The following TWIST2 variants were observed in gnomAD, a reference collection of about 807,000 sequenced individuals.
The protein encoded by TWIST2 is twist-related protein 2.
Under a neutral mutation model 11.6 loss-of-function variants are expected in TWIST2, and 1 was observed. The ratio of observed to expected loss-of-function variants is 0.09; its 90% CI spans 0.03 to 0.41. The LOEUF is 0.41. TWIST2 is among the 10% of genes least tolerant of loss of function. The probability of loss-of-function intolerance (pLI) is 0.98; values close to 1 mark genes in which losing one functional copy is unlikely to be tolerated. For missense variants in TWIST2, 168 were observed against 226.4 expected (o/e 0.74, Z 1.66); for synonymous variants, 87 against 96.6 (o/e 0.90, Z 0.58).
intron 1 of TWIST2, among the ~76,000 whole-genome samples, chr2:238,889,751 G>A (rs35461684): frequency 1.3e-5 from 2 of 152,112 alleles, no homozygotes; most frequent in African/African-American, 4.8e-5. Flanking sequence ...TGTAAATGAC[G>A]GCTCTGATGC....
At chr2:238,849,149 G>T (rs1158732524) in intron 1 of TWIST2, among the ~76,000 whole-genome samples, 5 of 152,180 alleles carry the variant, frequency 3.3e-5, no homozygotes, top group African/African-American at 9.6e-5. Flanking sequence ...AGCGCAGGCC[G>T]CCCGCGAAGC....
chr2:238,905,048 G>A (rs1029036581), intron 1 of TWIST2, among the ~76,000 whole-genome samples: 1 of 141,256 alleles, frequency 7.1e-6, no homozygotes, highest in Non-Finnish European at 1.6e-5. Flanking sequence ...GGGTGGCTAG[G>A]TGGGTGGCTG....
intron 1 of TWIST2, among the ~76,000 whole-genome samples, chr2:238,908,816 T>C (rs1265680553): frequency 1.3e-5 from 2 of 150,242 alleles, no homozygotes; most frequent in African/African-American, 2.5e-5. Flanking sequence ...TAGTGTGCGG[T>C]ATGTTTGTGT....
intron 1 of TWIST2, among the ~76,000 whole-genome samples, chr2:238,852,895 A>T (rs1692266211): frequency 6.6e-6 from 1 of 152,258 alleles, no homozygotes; most frequent in Non-Finnish European, 1.5e-5. Context: ...ATTCTACAAA[A>T]GTATTAAATC....
intron 1 of TWIST2, among the ~76,000 whole-genome samples, chr2:238,884,804 C>T (rs1242209462): frequency 6.6e-6 from 1 of 152,186 alleles, no homozygotes; most frequent in African/African-American, 2.4e-5. Flanking sequence ...GAAGCATGGC[C>T]GGAAAGTGCC....
intron 1 of TWIST2, among the ~76,000 whole-genome samples, chr2:238,850,635 C>A (rs1197790089): frequency 6.6e-6 from 1 of 151,946 alleles, no homozygotes; most frequent in African/African-American, 2.4e-5. Context: ...AGAGAATCAG[C>A]CATAGGTAAC....
chr2:238,878,605 CT>C (rs1289085545), intron 1 of TWIST2, among the ~76,000 whole-genome samples: 1 of 152,222 alleles, frequency 6.6e-6, no homozygotes, highest in African/African-American at 2.4e-5. Context: ...GTAGCAGCCC[CT>C]GTTGATCTTT....
At chr2:238,865,533 G>A (rs1364332328) in intron 1 of TWIST2, among the ~76,000 whole-genome samples, 2 of 152,198 alleles carry the variant, frequency 1.3e-5, no homozygotes, top group South Asian at 2.1e-4. Context: ...CCTGGGCACA[G>A]AAGCCTCTGG....
chr2:238,898,361 T>C (rs1693229893), intron 1 of TWIST2, among the ~76,000 whole-genome samples: 1 of 152,200 alleles, frequency 6.6e-6, no homozygotes, highest in South Asian at 2.1e-4. Flanking sequence ...ACTGGAGATT[T>C]TGTCAAAGCG....
chr2:238,851,318 A>T (rs957200855), intron 1 of TWIST2, among the ~76,000 whole-genome samples: 2 of 152,232 alleles, frequency 1.3e-5, no homozygotes, highest in Admixed American at 6.5e-5. Flanking sequence ...GCACAATTAG[A>T]CAATAAATCA....
intron 1 of TWIST2, among the ~76,000 whole-genome samples, chr2:238,877,644 T>C (rs1246097786): frequency 1.3e-5 from 2 of 152,232 alleles, no homozygotes; most frequent in East Asian, 3.8e-4. Context: ...AGGACTTTTA[T>C]GAAGAAAAAT....
chr2:238,878,405 C>T (rs1427560067), intron 1 of TWIST2, among the ~76,000 whole-genome samples: 1 of 152,144 alleles, frequency 6.6e-6, no homozygotes, highest in Non-Finnish European at 1.5e-5. Flanking sequence ...AGAGTATAAA[C>T]GCCAGAGTGT....
intron 1 of TWIST2, among the ~76,000 whole-genome samples, chr2:238,876,125 T>C (rs942399729): frequency 1.3e-5 from 2 of 152,140 alleles, no homozygotes; most frequent in Non-Finnish European, 2.9e-5. Context: ...CACTGCCCCG[T>C]TGGGTGGGTG....
At chr2:238,859,127 G>T (rs1361432384) in intron 1 of TWIST2, among the ~76,000 whole-genome samples, 2 of 150,946 alleles carry the variant, frequency 1.3e-5, no homozygotes, top group Non-Finnish European at 2.9e-5. Flanking sequence ...CAGGAGAATC[G>T]CTTGAACCTG....
intron 1 of TWIST2, among the ~76,000 whole-genome samples, chr2:238,896,611 C>T: frequency 6.6e-6 from 1 of 152,186 alleles, no homozygotes; most frequent in Non-Finnish European, 1.5e-5. Context: ...GCAGGCAGCA[C>T]CTGGTGCATT....
intron 1 of TWIST2, among the ~76,000 whole-genome samples, chr2:238,892,599 GCC>G (rs543589400): frequency 5.9e-4 from 90 of 152,048 alleles, no homozygotes; most frequent in Admixed American, 2.6e-3. Flanking sequence ...TCCTGCCTCA[GCC>G]CCCCGAGTAG....
intron 1 of TWIST2, among the ~76,000 whole-genome samples, chr2:238,862,551 C>A (rs1364604972): frequency 6.6e-6 from 1 of 152,084 alleles, no homozygotes; most frequent in African/African-American, 2.4e-5. Context: ...TAATTATAAA[C>A]CCCAGTATTG....
At chr2:238,887,456 A>C (rs1233809148) in intron 1 of TWIST2, among the ~76,000 whole-genome samples, 1 of 152,184 alleles carries the variant, frequency 6.6e-6, no homozygotes, top group African/African-American at 2.4e-5. Context: ...AATGCAATTA[A>C]ATTATCAGTT....
intron 1 of TWIST2, among the ~76,000 whole-genome samples, chr2:238,880,211 A>ATTAGTGTTAGTG: frequency 6.7e-6 from 1 of 149,946 alleles, no homozygotes; most frequent in South Asian, 2.1e-4. Context: ...TACTGTTAGT[A>ATTAGTGTTAGTG]TTAGTATTAG....
Sources: gnomAD v4.1 joint callset for allele counts (sites outside exome capture counted in the v4.1 genomes callset) on GRCh38, gnomAD v4.1.1 for gene constraint, MANE v1.5 for transcripts, NCBI Gene and HGNC (gene_info 2026-07-23, HGNC 2026-07-21) for gene names.